The following PLEKHA5 variants were observed in gnomAD, a reference collection of about 807,000 sequenced individuals.
PLEKHA5 encodes pleckstrin homology domain containing A5.
PLEKHA5 carries 55 observed loss-of-function variants against 181.9 expected under a neutral mutation model. The ratio of observed to expected loss-of-function variants is 0.30; its 90% CI spans 0.24 to 0.38. The LOEUF (loss-of-function observed/expected upper bound fraction) is 0.38, where lower values mean the gene tolerates loss of function less well. Ranked by LOEUF, PLEKHA5 falls within the 10% of genes least tolerant of loss-of-function variation. The probability of loss-of-function intolerance (pLI) is 1.00; values close to 1 mark genes in which losing one functional copy is unlikely to be tolerated. For missense variants in PLEKHA5, 1,432 were observed against 1,549.5 expected (o/e 0.92, Z 1.27); for synonymous variants, 535 against 529.4 (o/e 1.01, Z -0.15).
chr12:19,279,678 T>TAC (rs1450684597), intron 11 of PLEKHA5, among the ~76,000 whole-genome samples: 1 of 150,506 alleles, frequency 6.6e-6, no homozygotes, highest in Admixed American at 6.6e-5. Flanking sequence ...AAAAAATACA[T>TAC]ACATATATAT....
At chr12:19,191,284 G>A (rs10770448) in intron 3 of PLEKHA5, among the ~76,000 whole-genome samples, 84,847 of 152,056 alleles carry the variant, frequency 0.56, 27,688 homozygotes, top group Non-Finnish European at 0.75. Flanking sequence ...GAATGGGAGT[G>A]AAGTAGGGAT....
chr12:19,357,397 A>G (rs2095003118), intron 26 of PLEKHA5, among the ~76,000 whole-genome samples: 1 of 151,592 alleles, frequency 6.6e-6, no homozygotes, highest in Non-Finnish European at 1.5e-5. Flanking sequence ...GGCATGAGCC[A>G]CCATGCCTGG....
At chr12:19,143,736 A>G (rs1050556700) in intron 3 of PLEKHA5, among the ~76,000 whole-genome samples, 10 of 152,122 alleles carry the variant, frequency 6.6e-5, no homozygotes, top group African/African-American at 9.7e-5. Flanking sequence ...TCTTATTGCT[A>G]TTGATAATAC....
chr12:19,340,432 A>ACTGGGAAGTGAGGAGCCCCTCTGC (rs2093789698), intron 21 of PLEKHA5, among the ~76,000 whole-genome samples: 1 of 42,366 alleles, frequency 2.4e-5, no homozygotes, highest in Non-Finnish European at 9.4e-5. Flanking sequence ...CTGCCCGGCC[A>ACTGGGAAGTGAGGAGCCCCTCTGC]CCACCCCGTC....
chr12:19,144,744 C>T lies in PLEKHA5; in HGVS notation c.227+12294C>T, dbSNP rs139492160. Among the ~76,000 whole-genome samples the T allele has an allele frequency of 3.3e-3, 505 of 152,208 alleles. 2 individuals are homozygous for T. The highest frequency in any genetic ancestry group is 0.012 in the African/African-American group (488 of 41,528). On this transcript the variant is annotated intron_variant, in intron 3 of 31. Transcript: ENST00000429027. ...CATATTGTGATAAGCTAGTGATGTA[C>T]GCAAGGATTTAGGTGAGGAAGTGGA...
chr12:19,334,700 A>T (rs1262530856), intron 20 of PLEKHA5, among the ~76,000 whole-genome samples: 1 of 149,852 alleles, frequency 6.7e-6, no homozygotes, highest in Admixed American at 6.7e-5. Context: ...GAATTTGCTG[A>T]CTAGATGTGG....
intron 3 of PLEKHA5, among the ~76,000 whole-genome samples, chr12:19,159,031 A>C (rs947466622): frequency 2.0e-5 from 3 of 152,212 alleles, no homozygotes; most frequent in African/African-American, 4.8e-5. Flanking sequence ...CAAATTACTG[A>C]ATCTGACATT....
chr12:19,334,065 C>T (rs1349120359), intron 20 of PLEKHA5, among the ~76,000 whole-genome samples: 4 of 152,108 alleles, frequency 2.6e-5, no homozygotes, highest in Non-Finnish European at 4.4e-5. Flanking sequence ...ACCACAAATA[C>T]GTAAGGTCAT....
intron 3 of PLEKHA5, among the ~76,000 whole-genome samples, chr12:19,193,437 T>C (rs925408307): frequency 2.6e-5 from 4 of 152,190 alleles, no homozygotes; most frequent in Admixed American, 2.6e-4. Flanking sequence ...TTACTTCAAA[T>C]GGAAAGTTAG....
At chr12:19,308,343 T>C (rs2084916341) in intron 15 of PLEKHA5, among the ~76,000 whole-genome samples, 1 of 152,198 alleles carries the variant, frequency 6.6e-6, no homozygotes. Context: ...TAGATGTATA[T>C]AGCTCTGAGT....
At chr12:19,175,288 A>C (rs974226116) in intron 3 of PLEKHA5, among the ~76,000 whole-genome samples, 1 of 152,228 alleles carries the variant, frequency 6.6e-6, no homozygotes, top group African/African-American at 2.4e-5. Flanking sequence ...TACAGTATTG[A>C]TATTGAGTTG....
intron 3 of PLEKHA5, among the ~76,000 whole-genome samples, chr12:19,137,239 G>A (rs34655157): frequency 0.027 from 4,171 of 152,138 alleles, 88 homozygotes; most frequent in Middle Eastern, 0.071. Flanking sequence ...GTTTCGCCAC[G>A]TTGGCCAGGC....
chr12:19,313,550 A>G (rs2087376693), intron 15 of PLEKHA5, among the ~76,000 whole-genome samples: 1 of 152,184 alleles, frequency 6.6e-6, no homozygotes, highest in South Asian at 2.1e-4. Context: ...TACTTTTGTC[A>G]AAAGTCGTTG....
In PLEKHA5 at chr12:19,129,823, G is replaced by A. The variant is rs2032799080; in HGVS notation, c.24G>A (p.Glu8=). The A allele has an allele frequency of 6.2e-7, 1 of 1,604,180 alleles. No homozygotes were observed. Among genetic ancestry groups the A allele is most frequent in the South Asian group, 1.1e-5 (1 of 90,252 alleles). The change falls in exon 1 of 32, where the codon GAG becomes GAA. Residue 8 remains glutamate, a synonymous_variant. Transcript: ENST00000429027. MAADLNL[E]WISLPRSWTY... ...ACATGGCGGCGGATCTGAACCTGGA[G>A]TGGATCTCCCTGCCCCGGTCCTGGA...
intron 11 of PLEKHA5, among the ~76,000 whole-genome samples, chr12:19,280,991 G>A (rs561927331): frequency 5.3e-5 from 8 of 152,164 alleles, no homozygotes; most frequent in African/African-American, 1.4e-4. Context: ...GATTACAGGC[G>A]CAAGCCACCA....
intron 21 of PLEKHA5, 84 bp from the exon 22 acceptor site, chr12:19,343,239 T>C (rs2094072069): frequency 1.5e-6 from 1 of 688,710 alleles, no homozygotes; most frequent in African/African-American, 1.8e-5. Context: ...TTTTTAGATG[T>C]AATTTATATA....
rs778426079 is a variant in PLEKHA5, at chr12:19,269,757, C to A, written c.712-13C>A. ...ATATTTTTATTTAAAATGATCGTGT[C>A]ATTTTCAATCAGGCAGCCCATCCAA... On this transcript the variant is annotated splice_polypyrimidine_tract_variant and intron_variant, in intron 8 of 31. Coordinates refer to ENST00000429027, the MANE Select transcript of PLEKHA5 (RefSeq NM_001256470.2). 1.5e-6 allele frequency: 2 copies of A among 1,354,044 alleles called. No individual in the cohort carries two copies. Among genetic ancestry groups the A allele is most frequent in the Non-Finnish European group, 2.1e-6 (2 of 953,626 alleles). The allele number at this position is 1,354,044 out of a possible 1,614,324, so 83.9% of individuals were successfully genotyped here.
chr12:19,258,750 G>A (rs2067552079), intron 6 of PLEKHA5, among the ~76,000 whole-genome samples: 1 of 151,826 alleles, frequency 6.6e-6, no homozygotes, highest in Non-Finnish European at 1.5e-5. Context: ...ATTTTTAGTA[G>A]AGACGGGTTT....
chr12:19,361,114 A>G (rs563457762), intron 28 of PLEKHA5, among the ~76,000 whole-genome samples: 32 of 152,246 alleles, frequency 2.1e-4, no homozygotes, highest in African/African-American at 6.7e-4. Context: ...TGTTAATATT[A>G]TTAATATACT....
Sources: allele counts gnomAD v4.1 joint callset (sites outside exome capture counted in the v4.1 genomes callset), GRCh38; gene constraint gnomAD v4.1.1; transcripts MANE v1.5; gene names NCBI Gene and HGNC (gene_info 2026-07-23, HGNC 2026-07-21).